The following BRD10 variants were observed in gnomAD, a reference collection of about 807,000 sequenced individuals.
BRD10 encodes bromodomain containing 10.
chr9:5,979,887 C>G, the BRD10 span, among the ~76,000 whole-genome samples: 1 of 150,806 alleles, frequency 6.6e-6, no homozygotes, highest in African/African-American at 2.4e-5. Flanking sequence ...ATAGTGGCAG[C>G]ACCTGTAGCC....
the BRD10 span, among the ~76,000 whole-genome samples, chr9:5,959,083 T>C: frequency 6.6e-6 from 1 of 152,206 alleles, no homozygotes. Flanking sequence ...CACCCATTTC[T>C]TTTTACCCTT....
At chr9:5,952,564 T>A in the BRD10 span, among the ~76,000 whole-genome samples, 1 of 152,254 alleles carries the variant, frequency 6.6e-6, no homozygotes, top group African/African-American at 2.4e-5. Context: ...TCATGCAATC[T>A]GCTAAAATGA....
chr9:5,927,196 G>T, the BRD10 span, among the ~76,000 whole-genome samples: 4 of 152,208 alleles, frequency 2.6e-5, no homozygotes, highest in Non-Finnish European at 5.9e-5. Context: ...CAAGAAAAAT[G>T]GAGGCAATCA....
the BRD10 span, among the ~76,000 whole-genome samples, chr9:5,963,583 A>G: frequency 5.3e-5 from 8 of 151,864 alleles, no homozygotes. Flanking sequence ...ACCAAAAAAG[A>G]GCCTGCATCA....
the BRD10 span, among the ~76,000 whole-genome samples, chr9:5,906,186 T>TAAA: frequency 1.4e-5 from 2 of 140,484 alleles, no homozygotes; most frequent in Non-Finnish European, 1.6e-5. Context: ...TCATGTCTCT[T>TAAA]AAAAAAAAAA....
At chr9:5,950,021 A>C in the BRD10 span, among the ~76,000 whole-genome samples, 2 of 152,228 alleles carry the variant, frequency 1.3e-5, no homozygotes, top group Admixed American at 1.3e-4. Context: ...TAAAAAATCC[A>C]ACAATTTCCC....
the BRD10 span, among the ~76,000 whole-genome samples, chr9:5,926,652 C>G: frequency 1.3e-5 from 2 of 152,120 alleles, no homozygotes; most frequent in African/African-American, 4.8e-5. Context: ...CTGCTTCAGC[C>G]TCCTGAGTAG....
the BRD10 span, among the ~76,000 whole-genome samples, chr9:5,888,057 G>T: frequency 1.3e-5 from 2 of 152,220 alleles, no homozygotes; most frequent in South Asian, 2.1e-4. Flanking sequence ...AAAAATCACA[G>T]GATCTGAAAG....
chr9:5,958,236 G>C, the BRD10 span, among the ~76,000 whole-genome samples: 8 of 152,106 alleles, frequency 5.3e-5, no homozygotes, highest in African/African-American at 9.7e-5. Context: ...CCCAACCTGA[G>C]AGGGAAAATT....
chr9:5,951,672 C>G, the BRD10 span, among the ~76,000 whole-genome samples: 1 of 152,144 alleles, frequency 6.6e-6, no homozygotes, highest in Non-Finnish European at 1.5e-5. Context: ...ATATAATAGT[C>G]TTCTTACATG....
chr9:5,977,085 G>A, the BRD10 span, among the ~76,000 whole-genome samples: 1 of 152,148 alleles, frequency 6.6e-6, no homozygotes, highest in Non-Finnish European at 1.5e-5. Flanking sequence ...CTTCCCCCAG[G>A]TTTTCCTAGC....
chr9:6,006,644 G>A, the BRD10 span, among the ~76,000 whole-genome samples: 2 of 152,172 alleles, frequency 1.3e-5, no homozygotes, highest in African/African-American at 4.8e-5. Flanking sequence ...GGTGTCCTCA[G>A]ATGAAACGGA....
the BRD10 span, among the ~76,000 whole-genome samples, chr9:5,939,274 A>C: frequency 6.6e-6 from 1 of 152,196 alleles, no homozygotes; most frequent in African/African-American, 2.4e-5. Context: ...GTGGTTTTAT[A>C]ACATTATATG....
At chr9:5,923,787 T>C in the BRD10 span, among the ~76,000 whole-genome samples, 7 of 152,222 alleles carry the variant, frequency 4.6e-5, no homozygotes, top group East Asian at 7.7e-4. Context: ...TTCATCCTTA[T>C]AGTGAAAAAA....
the BRD10 span, chr9:6,008,343 AG>A: frequency 1.0e-6 from 1 of 984,482 alleles, no homozygotes; most frequent in Non-Finnish European, 1.2e-6. Context: ...ACTGTCAGTT[AG>A]AAGCCCCGCT....
At chr9:5,927,796 G>A in the BRD10 span, among the ~76,000 whole-genome samples, 2 of 151,898 alleles carry the variant, frequency 1.3e-5, no homozygotes, top group Non-Finnish European at 1.5e-5. Context: ...ACTCATCTTG[G>A]CCACTTCTAC....
At chr9:5,888,983 G>A in the BRD10 span, among the ~76,000 whole-genome samples, 1 of 152,190 alleles carries the variant, frequency 6.6e-6, no homozygotes, top group African/African-American at 2.4e-5. Context: ...GGTCTGAGAA[G>A]AAGCTCCAAA....
the BRD10 span, among the ~76,000 whole-genome samples, chr9:5,967,670 A>C: frequency 1.4e-5 from 2 of 145,388 alleles, no homozygotes; most frequent in Non-Finnish European, 3.0e-5. Context: ...TGCTTTTCCT[A>C]CTACACTGTA....
the BRD10 span, chr9:6,007,252 G>C: frequency 1.9e-6 from 3 of 1,613,940 alleles, no homozygotes; most frequent in Non-Finnish European, 1.7e-6. Flanking sequence ...GCCCTGTTTG[G>C]AGATCCAGTG....
Sources: gnomAD v4.1 joint callset for allele counts (sites outside exome capture counted in the v4.1 genomes callset) on GRCh38, gnomAD v4.1.1 for gene constraint, MANE v1.5 for transcripts, NCBI Gene and HGNC (gene_info 2026-07-23, HGNC 2026-07-21) for gene names.